Variants in RPS10 observed in about 807,000 individuals in gnomAD.
RPS10 encodes the protein small ribosomal subunit protein eS10.
A neutral mutation model predicts 22.6 loss-of-function variants in RPS10; 2 were observed. The ratio of observed to expected loss-of-function variants is 0.09; its 90% CI spans 0.04 to 0.28. The LOEUF is 0.28. Among genes scored for constraint, RPS10 ranks in the 10% least tolerant of loss-of-function variants. The pLI is 1.00. For synonymous variants in RPS10, 70 were observed against 75.9 expected (o/e 0.92, Z 0.40); for missense variants, 137 against 222.2 (o/e 0.62, Z 2.44).
rs756218811 is a variant in RPS10 at position 34,417,521 on chromosome 6, ACCACGT to A, written c.477_482del (p.Arg160_Gly161del). The A allele has an allele frequency of 6.2e-7, 1 of 1,612,806 alleles. No homozygotes were observed. The stretch of plus-strand genomic sequence containing the variant: ...CTCTCCAATTTTACTGAGGTGGCTG[ACCACGT>A]CCACGACCAAATCCGCCTCTCTGTA... On this transcript the variant is annotated inframe_deletion, in exon 6 of 6. Coordinates refer to ENST00000648437, the MANE Select transcript of RPS10 (RefSeq NM_001014.5).
chr6:34,423,741 G>A (rs374822958), intron 3 of RPS10, among the ~76,000 whole-genome samples: 175 of 152,244 alleles, frequency 1.1e-3, no homozygotes, highest in African/African-American at 4.1e-3. Flanking sequence ...AAAATTAGCT[G>A]GGTGTCGCTC....
intron 3 of RPS10, among the ~76,000 whole-genome samples, chr6:34,422,940 G>A (rs2113802124): frequency 6.6e-6 from 1 of 152,086 alleles, no homozygotes; most frequent in South Asian, 2.1e-4. Flanking sequence ...AATTAGCCGG[G>A]TGTGGTGGTG....
chr6:34,424,838 A>C lies in RPS10; in HGVS notation c.153T>G (p.Ser51=), dbSNP rs1765898378. 6.2e-7 allele frequency: 1 copy of C among 1,613,856 alleles called. No homozygotes were observed. Among genetic ancestry groups the C allele is most frequent in the African/African-American group, 1.3e-5 (1 of 75,032 alleles). Residue 51 remains serine, a splice_region_variant and synonymous_variant, in exon 3 of 6, where the codon TCT becomes TCG. Coordinates refer to ENST00000648437, the MANE Select transcript of RPS10 (RefSeq NM_001014.5). ...CCTTCACGTAGCCTCGGGACTTGAG[A>C]GACTGTAAGGCAGAAAACTACTGTT... ...PNLHVMKAMQ[S]LKSRGYVKEQ... is the part of the protein sequence containing the mutation.
chr6:34,419,844 C>T (rs1017294084), intron 4 of RPS10, among the ~76,000 whole-genome samples: 62 of 152,150 alleles, frequency 4.1e-4, no homozygotes, highest in Admixed American at 2.0e-3. Context: ...TCCCAAAGTG[C>T]TGGGATTACA....
chr6:34,425,033 G>A, intron 2 of RPS10, 39 bp downstream of exon 2: 1 of 1,611,384 alleles, frequency 6.2e-7, no homozygotes, highest in Non-Finnish European at 8.5e-7. Context: ...GGGATCCCGG[G>A]GAGGAAGATC....
At chr6:34,425,555 T>G in intron 1 of RPS10, 2 of 346,932 alleles carry the variant, frequency 5.8e-6, no homozygotes, top group Non-Finnish European at 5.7e-6. Flanking sequence ...TCAGCGACCG[T>G]ACCCAGCGCG....
chr6:34,419,766 C>T (rs891813508), intron 4 of RPS10, among the ~76,000 whole-genome samples: 7 of 151,326 alleles, frequency 4.6e-5, no homozygotes, highest in Admixed American at 1.3e-4. Flanking sequence ...TAAGTAGAGA[C>T]GGGGTTTCAC....
intron 3 of RPS10, chr6:34,424,140 TAAAAAAAAAAAAA>T (rs71538239): frequency 4.1e-5 from 2 of 49,142 alleles, no homozygotes; most frequent in Non-Finnish European, 6.2e-5. Flanking sequence ...AAGACTCCGT[TAAAAAAAAAAAAA>T]AAAAAAAAAA....
rs1193198337 is a variant in RPS10 at position 34,418,356 on chromosome 6, G to A, written c.456+13C>T. The A allele has an allele frequency of 5.0e-6, 8 of 1,614,098 alleles. No individual in the cohort carries two copies. The highest frequency in any genetic ancestry group is 6.8e-6 in the Non-Finnish European group (8 of 1,179,972). On this transcript the variant is annotated intron_variant, in intron 5 of 5. Coordinates refer to ENST00000648437, the MANE Select transcript of RPS10 (RefSeq NM_001014.5). ...AGTGATGGCTCATGGAAAACAAATA[G>A]GAAGATACTCACAAACTGGAATTCG...
At chr6:34,420,410 G>T (rs576152456) in intron 4 of RPS10, among the ~76,000 whole-genome samples, 7 of 151,964 alleles carry the variant, frequency 4.6e-5, no homozygotes, top group Non-Finnish European at 7.4e-5. Flanking sequence ...TAGAGATGGG[G>T]TTTTACCATG....
chr6:34,418,482 G>A, intron 4 of RPS10, 58 bp from the exon 5 acceptor site: 1 of 1,612,570 alleles, frequency 6.2e-7, no homozygotes, highest in Non-Finnish European at 8.5e-7. Context: ...TATAGAACAA[G>A]GGAAGACAAC....
intron 5 of RPS10, chr6:34,417,853 T>A (rs1765630667): frequency 1.4e-6 from 1 of 718,318 alleles, no homozygotes. Flanking sequence ...CATGCTTCCT[T>A]TTTACAAATG....
Position 34,424,695 on chromosome 6 carries a change from G to A in RPS10, c.296C>T (p.Pro99Leu). 6.2e-7 allele frequency: 1 copy of A among 1,614,164 alleles called. No homozygotes were observed. The highest frequency in any genetic ancestry group is 8.5e-7 in the Non-Finnish European group (1 of 1,180,030). The change falls in exon 3 of 6, where the codon CCA becomes CTA. Residue 99 changes from proline to leucine, a missense_variant. Transcript: ENST00000648437. ...TTTAGGCCGAGGCCTGCCAGTCTCT[G>A]GACGGCTACGGCGTAGGGTGGCAGG... is the stretch of plus-strand genomic sequence containing the variant. ...IVPATLRRSR[P>L]ETGRPRPKGL...
At chr6:34,424,278 T>C (rs1765876536) in intron 3 of RPS10, 1 of 284,256 alleles carries the variant, frequency 3.5e-6, no homozygotes, top group African/African-American at 2.2e-5. Flanking sequence ...CACTCCAGTT[T>C]CTAATTTCTT....
chr6:34,424,470 A>C, intron 3 of RPS10, 199 bp downstream of exon 3: 1 of 624,798 alleles, frequency 1.6e-6, no homozygotes, highest in Non-Finnish European at 2.8e-6. Flanking sequence ...ATCTGTGCTT[A>C]AGGCCATCTC....
chr6:34,418,260 G>A (rs1377121504), intron 5 of RPS10, 109 bp downstream of exon 5: 1 of 1,585,872 alleles, frequency 6.3e-7, no homozygotes, highest in Admixed American at 1.8e-5. Flanking sequence ...GGAGGGAACT[G>A]GTTGACAGGA....
At chr6:34,425,735 C>CGG (rs141904419) in intron 1 of RPS10, 24 of 171,214 alleles carry the variant, frequency 1.4e-4, no homozygotes, top group Non-Finnish European at 1.2e-4. Context: ...AGGAGGCAGT[C>CGG]GGGGGAGTCC....
At chr6:34,423,686 C>T (rs1280685838) in intron 3 of RPS10, among the ~76,000 whole-genome samples, 1 of 151,992 alleles carries the variant, frequency 6.6e-6, no homozygotes, top group Non-Finnish European at 1.5e-5. Context: ...GAGTTCGAGC[C>T]CAGCCTGGCC....
chr6:34,423,887 AT>A (rs759826622), intron 3 of RPS10, among the ~76,000 whole-genome samples: 13 of 152,068 alleles, frequency 8.5e-5, no homozygotes, highest in Non-Finnish European at 4.4e-5. Flanking sequence ...TCAAAAAATT[AT>A]GTCTACCTAA....
Sources: allele counts gnomAD v4.1 joint callset (sites outside exome capture counted in the v4.1 genomes callset), GRCh38; gene constraint gnomAD v4.1.1; transcripts MANE v1.5; gene names NCBI Gene and HGNC (gene_info 2026-07-23, HGNC 2026-07-21).